Variants in DPP6 observed in about 807,000 individuals in gnomAD.
The protein encoded by DPP6 is A-type potassium channel modulatory protein DPP6.
DPP6 carries 69 observed loss-of-function variants against 122.6 expected under a neutral mutation model. That is an observed-to-expected ratio of 0.56 (90% CI 0.46 to 0.69). The LOEUF (loss-of-function observed/expected upper bound fraction) is 0.69, where lower values mean the gene tolerates loss of function less well. Among genes scored for constraint, DPP6 ranks in the 30% least tolerant of loss-of-function variants. The probability of loss-of-function intolerance (pLI) is 0.00; values close to 1 mark genes in which losing one functional copy is unlikely to be tolerated. For missense variants in DPP6, 928 were observed against 1,116.9 expected (o/e 0.83, Z 2.41); for synonymous variants, 418 against 433.1 (o/e 0.97, Z 0.43).
chr7:154,254,055 C>T (rs546700439), intron 1 of DPP6, among the ~76,000 whole-genome samples: 31 of 152,326 alleles, frequency 2.0e-4, no homozygotes, highest in African/African-American at 6.3e-4. Flanking sequence ...CACCTCCCGC[C>T]GGGCCCCTCT....
At chr7:154,804,843 G>A (rs528168954) in intron 14 of DPP6, 74 bp from the exon 15 acceptor site, 14 of 1,553,168 alleles carry the variant, frequency 9.0e-6, no homozygotes, top group African/African-American at 6.8e-5. Flanking sequence ...TGTCCATAGA[G>A]GTAGTGCCAG....
At chr7:153,901,869 C>G (rs1799651625) in intron 1 of DPP6, among the ~76,000 whole-genome samples, 1 of 152,206 alleles carries the variant, frequency 6.6e-6, no homozygotes, top group Non-Finnish European at 1.5e-5. Flanking sequence ...TTCTTTCCTT[C>G]TTTCTTCCTT....
At chr7:154,292,376 G>T (rs1805266502) in intron 1 of DPP6, among the ~76,000 whole-genome samples, 1 of 152,110 alleles carries the variant, frequency 6.6e-6, no homozygotes, top group Admixed American at 6.6e-5. Context: ...CTGGGATCTG[G>T]CTCAAACGTG....
chr7:153,975,252 A>T (rs989459023), intron 1 of DPP6, among the ~76,000 whole-genome samples: 4 of 43,078 alleles, frequency 9.3e-5, no homozygotes, highest in South Asian at 5.1e-4. Context: ...AAAAAAAAAA[A>T]ATTATTTCAC....
chr7:154,767,227 G>A (rs760587823), intron 8 of DPP6, among the ~76,000 whole-genome samples: 12 of 152,146 alleles, frequency 7.9e-5, no homozygotes, highest in Non-Finnish European at 1.6e-4. Context: ...TGTGGGCTCT[G>A]CACCTTCTCG....
chr7:154,360,462 C>T (rs560655105), intron 1 of DPP6, among the ~76,000 whole-genome samples: 24 of 152,176 alleles, frequency 1.6e-4, no homozygotes, highest in African/African-American at 5.5e-4. Flanking sequence ...ACAAGATGAT[C>T]GTTCCAGACA....
chr7:154,164,873 C>G (rs1018727528), intron 1 of DPP6, among the ~76,000 whole-genome samples: 1 of 152,218 alleles, frequency 6.6e-6, no homozygotes, highest in Non-Finnish European at 1.5e-5. Context: ...TTGCTGGACA[C>G]TTCCTGGCTG....
At chr7:154,608,345 TGA>T (rs1833701128) in intron 5 of DPP6, among the ~76,000 whole-genome samples, 2 of 82,490 alleles carry the variant, frequency 2.4e-5, no homozygotes, top group Admixed American at 1.5e-4. Flanking sequence ...ATATATATTT[TGA>T]GATGGAATCT....
intron 22 of DPP6, 122 bp downstream of exon 22, chr7:154,885,866 C>A: frequency 7.6e-7 from 1 of 1,310,628 alleles, no homozygotes; most frequent in Non-Finnish European, 1.0e-6. Flanking sequence ...TGCCTCCAGG[C>A]CACAGTCACC....
intron 7 of DPP6, among the ~76,000 whole-genome samples, chr7:154,674,536 T>G (rs3807223): frequency 0.023 from 3,482 of 152,284 alleles, 139 homozygotes; most frequent in East Asian, 0.18. Context: ...CTGTGCAGCA[T>G]TAGGCAACAT....
chr7:154,732,787 G>T lies in DPP6; in HGVS notation c.883+4900G>T, dbSNP rs150344455. Among the ~76,000 whole-genome samples, 822 of 152,260 alleles carry T rather than the reference G, an allele frequency of 5.4e-3. 7 individuals are homozygous for T. The highest frequency in any genetic ancestry group is 0.019 in the African/African-American group (791 of 41,552). ...TGATCAGATCAGGAGACCCAGTTTG[G>T]CACGGAAGCATTTCCCCGTGCATGT... is the stretch of plus-strand genomic sequence containing the variant. On this transcript the variant is annotated intron_variant, in intron 8 of 25. Transcript: ENST00000377770.
chr7:154,804,821 G>C (rs1319980255), intron 14 of DPP6, 96 bp from the exon 15 acceptor site: 58 of 1,523,180 alleles, frequency 3.8e-5, no homozygotes, highest in Non-Finnish European at 5.0e-5. Context: ...ATGGGCGGCA[G>C]TCCCTGAGGA....
intron 1 of DPP6, among the ~76,000 whole-genome samples, chr7:154,421,027 A>T (rs528165548): frequency 1.3e-5 from 2 of 152,318 alleles, no homozygotes; most frequent in East Asian, 3.9e-4. Context: ...TTAAAAAAAA[A>T]TGTTCGTGAG....
intron 1 of DPP6, among the ~76,000 whole-genome samples, chr7:154,128,437 T>C (rs1808096414): frequency 6.6e-6 from 1 of 152,208 alleles, no homozygotes; most frequent in South Asian, 2.1e-4. Context: ...AGTCTCGCCC[T>C]ATCACCCAGG....
chr7:154,408,709 T>A (rs796870758), intron 1 of DPP6, among the ~76,000 whole-genome samples: 5 of 152,286 alleles, frequency 3.3e-5, no homozygotes, highest in African/African-American at 9.6e-5. Context: ...CCCCATTGCA[T>A]TTGCGTGTCC....
intron 6 of DPP6, among the ~76,000 whole-genome samples, chr7:154,651,359 A>G (rs1251608070): frequency 6.6e-6 from 1 of 151,962 alleles, no homozygotes; most frequent in African/African-American, 2.4e-5. Context: ...CTGGGGTTAC[A>G]TAAGTATAGT....
intron 10 of DPP6, among the ~76,000 whole-genome samples, chr7:154,779,866 C>G (rs1326160191): frequency 6.6e-6 from 1 of 152,202 alleles, no homozygotes; most frequent in Non-Finnish European, 1.5e-5. Flanking sequence ...TAGTCCTAAC[C>G]TCTCTTTTGT....
chr7:153,748,982 A>G, the DPP6 span, among the ~76,000 whole-genome samples: 1 of 152,084 alleles, frequency 6.6e-6, no homozygotes, highest in Non-Finnish European at 1.5e-5. Flanking sequence ...CAATAGCGTC[A>G]GGTGTCCCCC....
intron 7 of DPP6, among the ~76,000 whole-genome samples, chr7:154,722,622 G>A (rs576047298): frequency 9.9e-5 from 15 of 152,270 alleles, no homozygotes; most frequent in South Asian, 8.3e-4. Flanking sequence ...AATCAGGGGC[G>A]GCAGCAGGAG....
Sources: gnomAD v4.1 joint callset for allele counts (sites outside exome capture counted in the v4.1 genomes callset) on GRCh38, gnomAD v4.1.1 for gene constraint, MANE v1.5 for transcripts, NCBI Gene and HGNC (gene_info 2026-07-23, HGNC 2026-07-21) for gene names.